UBXN2A: variants seen among roughly 807,000 people sequenced by gnomAD.
The protein encoded by UBXN2A is UBX domain protein 2A.
UBXN2A carries 28 observed loss-of-function variants against 28.4 expected under a neutral mutation model. That is an observed-to-expected ratio of 0.99 (90% confidence interval 0.73 to 1.35). The LOEUF is 1.35. Ranked by LOEUF, UBXN2A falls within the 40% of genes most tolerant of loss-of-function variation. The pLI, the probability that UBXN2A is intolerant of heterozygous loss-of-function variation, is 0.00. For missense variants in UBXN2A, 253 were observed against 297.9 expected, an observed-to-expected ratio of 0.85 and a Z score of 1.11; for synonymous variants, 97 against 103.6, an observed-to-expected ratio of 0.94 and a Z score of 0.39.
chr2:23,995,561 C>T (rs1199255531), intron 6 of UBXN2A, among the ~76,000 whole-genome samples: 3 of 151,596 alleles, frequency 2.0e-5, no homozygotes, highest in African/African-American at 4.8e-5. Context: ...GGCGTGGTAG[C>T]GGGCGTCTGT....
At chr2:23,977,486 T>C (rs1041208223) in intron 4 of UBXN2A, among the ~76,000 whole-genome samples, 2 of 151,852 alleles carry the variant, frequency 1.3e-5, no homozygotes, top group African/African-American at 4.8e-5. Flanking sequence ...CTACTAAAAA[T>C]ACAAAATTAG....
chr2:23,966,750 C>CT (rs70944704), intron 2 of UBXN2A, among the ~76,000 whole-genome samples: 149 of 76,678 alleles, frequency 1.9e-3, no homozygotes, highest in African/African-American at 4.0e-3. Context: ...CGCGCCCGGC[C>CT]TTTTTTTTTT....
upstream of UBXN2A, among the ~76,000 whole-genome samples, chr2:23,937,012 C>T (rs1705550555): frequency 6.6e-6 from 1 of 151,842 alleles, no homozygotes; most frequent in Admixed American, 6.6e-5. Flanking sequence ...TGCCCGGCCT[C>T]ATCATTTCTT....
At position 23,956,633 on chromosome 2, in the gene UBXN2A, G is replaced by A. The variant is rs540698142; in HGVS notation, c.-14-1668G>A. 2.8e-4 allele frequency among the ~76,000 whole-genome samples: 42 copies of A among 152,208 alleles called. No homozygotes were observed. The East Asian group carries it at 3.3e-3, about 12-fold the overall frequency. On this transcript the variant is annotated intron_variant, in intron 1 of 6. Transcript: ENST00000309033. ...CTCCCAAAGTGCTGGGATTACAGAC[G>A]TGAGCCACCACACCTGGCCCTGTCC...
chr2:23,936,213 A>T (rs2150787018), upstream of UBXN2A, among the ~76,000 whole-genome samples: 1 of 152,338 alleles, frequency 6.6e-6, no homozygotes, highest in African/African-American at 2.4e-5. Flanking sequence ...GGCCGTCAAC[A>T]TATGAATGGA....
chr2:23,934,573 A>G (rs561528422), intron 1 of UBXN2A, among the ~76,000 whole-genome samples: 8 of 152,360 alleles, frequency 5.3e-5, no homozygotes, highest in Admixed American at 2.6e-4. Flanking sequence ...TCGTCCTTCT[A>G]TGTGAATTCA....
chr2:23,979,956 A>T (rs1707830370), intron 4 of UBXN2A, among the ~76,000 whole-genome samples: 1 of 151,876 alleles, frequency 6.6e-6, no homozygotes, highest in Non-Finnish European at 1.5e-5. Flanking sequence ...CTATGTTTAG[A>T]TATAATTAAC....
chr2:24,001,749 A>G lies in UBXN2A; in HGVS notation c.*1882A>G, dbSNP rs1321710750. ...CTGAGGCAGGCGGATCACAAGGTCA[A>G]GTGATTGAGACCATCCTGTCCAACA... On this transcript the variant is annotated 3_prime_UTR_variant, in exon 7 of 7. Transcript: ENST00000309033. 1 of 150,058 alleles carries G rather than the reference A, an allele frequency of 6.7e-6. No individual in the cohort carries two copies. Among genetic ancestry groups the G allele is most frequent in the Non-Finnish European group, 1.5e-5 (1 of 67,514 alleles). The allele number at this position is 150,058 out of a possible 1,614,324, so 9.3% of individuals were successfully genotyped here.
intron 1 of UBXN2A, among the ~76,000 whole-genome samples, chr2:23,927,777 CG>C (rs1340115415): frequency 2.9e-4 from 44 of 152,246 alleles, no homozygotes; most frequent in African/African-American, 1.0e-3. Context: ...CCCCTGCCCC[CG>C]GCCCGCTGAA....
intron 4 of UBXN2A, among the ~76,000 whole-genome samples, chr2:23,981,508 T>C (rs796879409): frequency 2.7e-4 from 19 of 69,438 alleles, no homozygotes; most frequent in African/African-American, 8.0e-4. Flanking sequence ...AAAAAAAAAA[T>C]AGAAAAGTGC....
intron 1 of UBXN2A, among the ~76,000 whole-genome samples, chr2:23,951,972 T>C (rs560904034): frequency 5.4e-4 from 81 of 150,248 alleles, no homozygotes; most frequent in African/African-American, 1.8e-3. Context: ...TTTTCCTTTT[T>C]TTTTTTTTTT....
chr2:23,977,135 G>T, intron 4 of UBXN2A, 60 bp downstream of exon 4: 2 of 1,369,020 alleles, frequency 1.5e-6, no homozygotes, highest in Non-Finnish European at 1.0e-6. Context: ...AGGCTGTGGC[G>T]AGAGGATTGC....
chr2:23,934,606 T>A (rs1705470669), intron 1 of UBXN2A, among the ~76,000 whole-genome samples: 1 of 152,210 alleles, frequency 6.6e-6, no homozygotes, highest in Admixed American at 6.5e-5. Flanking sequence ...TGAACTCTAT[T>A]ATGTACCTAT....
At chr2:23,935,717 C>A (rs909508534), upstream of UBXN2A, among the ~76,000 whole-genome samples, 1 of 152,104 alleles carries the variant, frequency 6.6e-6, no homozygotes, top group East Asian at 1.9e-4. Flanking sequence ...AAAAGTTAAA[C>A]ACAGAAATAC....
At chr2:23,977,226 C>T (rs1707705455) in intron 4 of UBXN2A, 151 bp downstream of exon 4, 2 of 542,056 alleles carry the variant, frequency 3.7e-6, no homozygotes, top group Admixed American at 3.0e-5. Flanking sequence ...ACCAGCCAGC[C>T]CAGCTACTCA....
At position 23,971,343 on chromosome 2, in the gene UBXN2A, G is replaced by A; in HGVS notation, c.109G>A (p.Val37Ile). The A allele has an allele frequency of 6.3e-7, 1 of 1,578,858 alleles. No individual in the cohort carries two copies. The highest frequency in any genetic ancestry group is 8.7e-7 in the Non-Finnish European group (1 of 1,154,058). Residue 37 changes from valine to isoleucine, a missense_variant, in exon 3 of 7, where the codon GTT (valine) becomes ATT (isoleucine). Val to Ile is a conservative substitution (Grantham distance 29). Transcript: ENST00000309033. ...TCAACAATCAAATTGTGAATATTTT[G>A]TTGATAGCCTTTTTGAGGAAGCTCA... is the stretch of plus-strand genomic sequence containing the variant. ...NNQQSNCEYF[V>I]DSLFEEAQKV...
intron 6 of UBXN2A, among the ~76,000 whole-genome samples, chr2:23,989,714 G>T (rs982225880): frequency 6.6e-6 from 1 of 151,882 alleles, no homozygotes; most frequent in African/African-American, 2.4e-5. Flanking sequence ...ACCAGTCTGG[G>T]CAACATGGTG....
At chr2:23,978,146 G>A (rs1253153752) in intron 4 of UBXN2A, among the ~76,000 whole-genome samples, 1 of 152,102 alleles carries the variant, frequency 6.6e-6, no homozygotes, top group Non-Finnish European at 1.5e-5. Flanking sequence ...TAATTTTGAA[G>A]AAAGTTTAGG....
chr2:23,936,007 G>A (rs978940471), upstream of UBXN2A, among the ~76,000 whole-genome samples: 2 of 152,104 alleles, frequency 1.3e-5, no homozygotes, highest in Non-Finnish European at 2.9e-5. Flanking sequence ...AGTCAAGATT[G>A]CACCAATGCA....
Sources: gnomAD v4.1 joint callset for allele counts (sites outside exome capture counted in the v4.1 genomes callset) on GRCh38, gnomAD v4.1.1 for gene constraint, MANE v1.5 for transcripts, NCBI Gene and HGNC (gene_info 2026-07-23, HGNC 2026-07-21) for gene names.